Variants in SSBP3 observed in about 807,000 individuals in gnomAD.
The protein encoded by SSBP3 is single-stranded DNA-binding protein 3.
Under a neutral mutation model 69.6 loss-of-function variants are expected in SSBP3, and 5 were observed. The ratio of observed to expected loss-of-function variants is 0.07; its 90% CI spans 0.04 to 0.15. The LOEUF (loss-of-function observed/expected upper bound fraction) is 0.15, where lower values mean the gene tolerates loss of function less well. SSBP3 is among the 10% of genes least tolerant of loss of function. The pLI is 1.00. For missense variants in SSBP3, 312 were observed against 534.0 expected, an observed-to-expected ratio of 0.58 and a Z score of 4.10; for synonymous variants, 196 against 193.4, an observed-to-expected ratio of 1.01 and a Z score of -0.11.
intron 7 of SSBP3, chr1:54,255,685 C>T (rs1365772131): frequency 6.6e-6 from 1 of 152,028 alleles, no homozygotes; most frequent in Non-Finnish European, 1.5e-5. Flanking sequence ...AAATTTGTCC[C>T]CTTCATGTCA....
chr1:54,255,416 G>A (rs1223561555), intron 7 of SSBP3, among the ~76,000 whole-genome samples: 2 of 152,160 alleles, frequency 1.3e-5, no homozygotes, highest in African/African-American at 2.4e-5. Flanking sequence ...TGCTGCTGGC[G>A]CCCCTATGTG....
rs757528841 is a variant in SSBP3 at position 54,228,845 on chromosome 1, G to C, written c.928-19C>G. ...TCGGGAACTGGGGAAGAAGCACAGG[G>C]CATGGCAGCTCAGCGGGCCCTGGCC... On this transcript the variant is annotated intron_variant, in intron 14 of 17. Coordinates refer to ENST00000610401, the Ensembl canonical transcript of SSBP3. 6.2e-7 allele frequency: 1 copy of C among 1,609,496 alleles called. No homozygotes were observed. The highest frequency in any genetic ancestry group is 8.5e-7 in the Non-Finnish European group (1 of 1,178,682).
intron 4 of SSBP3, among the ~76,000 whole-genome samples, chr1:54,304,928 A>C (rs568121625): frequency 6.6e-6 from 1 of 151,864 alleles, no homozygotes; most frequent in South Asian, 2.1e-4. Context: ...CACCACCACC[A>C]CCCCCACCGA....
chr1:54,327,466 A>G (rs1039832020), intron 4 of SSBP3, among the ~76,000 whole-genome samples: 33 of 152,252 alleles, frequency 2.2e-4, no homozygotes, highest in African/African-American at 7.7e-4. Context: ...GACAGCCATC[A>G]ATCACTCTGT....
intron 5 of SSBP3, among the ~76,000 whole-genome samples, chr1:54,279,879 C>T (rs796235923): frequency 1.1e-4 from 17 of 152,318 alleles, no homozygotes; most frequent in African/African-American, 3.8e-4. Context: ...TAAGGTCTAA[C>T]TCTCAACCCA....
intron 11 of SSBP3, among the ~76,000 whole-genome samples, chr1:54,241,774 G>T (rs958203652): frequency 3.3e-5 from 5 of 152,206 alleles, no homozygotes; most frequent in Non-Finnish European, 2.9e-5. Context: ...AAGGCCCTCC[G>T]GTTTGAGAGG....
chr1:54,226,969 T>C (rs1644294700), exon 18 of SSBP3: 6 of 653,988 alleles, frequency 9.2e-6, no homozygotes, highest in East Asian at 2.8e-5. Context: ...GAAACTAAAA[T>C]TGGGAAAGGT....
chr1:54,402,306 G>C (rs1649365969), intron 3 of SSBP3, among the ~76,000 whole-genome samples: 1 of 152,206 alleles, frequency 6.6e-6, no homozygotes, highest in Non-Finnish European at 1.5e-5. Flanking sequence ...GATGCCCTAG[G>C]AGGATGAACG....
intron 4 of SSBP3, among the ~76,000 whole-genome samples, chr1:54,301,555 C>G (rs1645800946): frequency 6.6e-6 from 1 of 152,226 alleles, no homozygotes; most frequent in Non-Finnish European, 1.5e-5. Flanking sequence ...CACTTCACAA[C>G]TCTCCCTCCC....
intron 4 of SSBP3, among the ~76,000 whole-genome samples, chr1:54,338,747 T>A (rs1180182593): frequency 1.3e-5 from 2 of 152,168 alleles, no homozygotes; most frequent in African/African-American, 2.4e-5. Flanking sequence ...CTCCTGTATC[T>A]CTTTGCCCCC....
intron 4 of SSBP3, among the ~76,000 whole-genome samples, chr1:54,335,146 A>T (rs1342887392): frequency 6.6e-6 from 1 of 152,230 alleles, no homozygotes; most frequent in African/African-American, 2.4e-5. Flanking sequence ...CCCGGACACA[A>T]GAATCAGCTC....
chr1:54,258,540 G>A lies in SSBP3; in HGVS notation c.367-391C>T, dbSNP rs997356264. On this transcript the variant is annotated intron_variant, in intron 5 of 17. Coordinates refer to ENST00000610401, the Ensembl canonical transcript of SSBP3. The surrounding 1 kb of genome is among the most constrained non-coding windows in gnomAD (Gnocchi z 4.5). ...ACACAGGGACCCAGGTGCAAAGCAC[G>A]TAGGTGCCGCTTGCACGGGAGGTGG... is the stretch of plus-strand genomic sequence containing the variant. 2.6e-5 allele frequency among the ~76,000 whole-genome samples: 4 copies of A among 152,338 alleles called. No homozygotes were observed. Among genetic ancestry groups the A allele is most frequent in the South Asian group, 4.1e-4 (2 of 4,830 alleles).
chr1:54,391,163 CCTT>C (rs1358157521), intron 4 of SSBP3, among the ~76,000 whole-genome samples: 6 of 152,224 alleles, frequency 3.9e-5, no homozygotes, highest in Admixed American at 2.0e-4. Context: ...CTGAGTGTCT[CCTT>C]CTTCTTGCAC....
chr1:54,281,961 T>C (rs374284744), intron 4 of SSBP3, among the ~76,000 whole-genome samples: 3 of 152,040 alleles, frequency 2.0e-5, no homozygotes, highest in Admixed American at 6.5e-5. Context: ...CTGGGTGCAG[T>C]GGCATACGCC....
In SSBP3 at chr1:54,401,158, C is replaced by A. The variant is rs79904942; in HGVS notation, c.276+703G>T. Among the ~76,000 whole-genome samples, 703 of 152,258 alleles carry A rather than the reference C, an allele frequency of 4.6e-3. 6 individuals are homozygous for A. The highest frequency in any genetic ancestry group is 0.016 in the African/African-American group (667 of 41,540). ...CCATGTTTGTTTTTCCTGAAGGGGA[C>A]TGCTATGGGAGATGAATAGATGGCA... is the stretch of plus-strand genomic sequence containing the variant. On this transcript the variant is annotated intron_variant, in intron 4 of 17. Transcript: ENST00000610401.
upstream of SSBP3, among the ~76,000 whole-genome samples, chr1:54,409,610 G>C (rs1396947024): frequency 6.6e-6 from 1 of 151,958 alleles, no homozygotes; most frequent in Non-Finnish European, 1.5e-5. Flanking sequence ...CCACTCCCTC[G>C]GCTCAGCCAC....
At chr1:54,243,189 G>C (rs764909031) in intron 10 of SSBP3, 46 bp downstream of exon 10, 1 of 1,580,952 alleles carries the variant, frequency 6.3e-7, no homozygotes, top group South Asian at 1.1e-5. Context: ...AGAGGGTGGG[G>C]GAAGACCTGG....
intron 4 of SSBP3, among the ~76,000 whole-genome samples, chr1:54,393,743 C>A (rs1373103962): frequency 1.3e-5 from 2 of 152,120 alleles, no homozygotes; most frequent in African/African-American, 4.8e-5. Context: ...ATCTTTATGA[C>A]CTTATAAAGG....
intron 4 of SSBP3, among the ~76,000 whole-genome samples, chr1:54,302,186 A>G (rs1645814811): frequency 1.3e-5 from 2 of 152,358 alleles, no homozygotes; most frequent in South Asian, 4.1e-4. Context: ...GCAGGAGGAC[A>G]GGAACAGGAC....
Sources: gnomAD v4.1 joint callset for allele counts (sites outside exome capture counted in the v4.1 genomes callset) on GRCh38, gnomAD v4.1.1 for gene constraint, Gnocchi (gnomAD v3.1) non-coding constraint, MANE v1.5 for transcripts, NCBI Gene and HGNC (gene_info 2026-07-23, HGNC 2026-07-21) for gene names.